The following TBC1D19 variants were observed in gnomAD, a reference collection of about 807,000 sequenced individuals.
TBC1D19 encodes TBC1 domain family member 19.
In TBC1D19, 60 loss-of-function variants were observed where a neutral mutation model predicts 89.0. The observed-to-expected ratio is 0.67, with a 90% CI of 0.55 to 0.84. TBC1D19 has a LOEUF of 0.84. TBC1D19 is among the 40% of genes least tolerant of loss of function. TBC1D19 has a pLI of 0.00. For synonymous variants in TBC1D19, 189 were observed against 199.7 expected (o/e 0.95, Z 0.45); for missense variants, 500 against 610.8 (o/e 0.82, Z 1.91).
At chr4:26,710,859 C>A (rs1287244496) in intron 13 of TBC1D19, among the ~76,000 whole-genome samples, 1 of 152,068 alleles carries the variant, frequency 6.6e-6, no homozygotes, top group African/African-American at 2.4e-5. Context: ...ATCCTTCGCC[C>A]ACGTTTTGAT....
At chr4:26,604,148 C>CTTTTTTTTT (rs1173641270) in intron 1 of TBC1D19, among the ~76,000 whole-genome samples, 6 of 120,724 alleles carry the variant, frequency 5.0e-5, no homozygotes, top group African/African-American at 7.3e-5. Context: ...TTTTCTTTTT[C>CTTTTTTTTT]TTTTTTTTTT....
chr4:26,637,366 G>A, intron 5 of TBC1D19, 81 bp downstream of exon 5: 1 of 1,131,388 alleles, frequency 8.8e-7, no homozygotes, highest in South Asian at 1.4e-5. Context: ...TAACTGTTAG[G>A]CACATTTATT....
intron 13 of TBC1D19, among the ~76,000 whole-genome samples, chr4:26,701,440 C>T (rs186758537): frequency 2.1e-4 from 32 of 152,158 alleles, no homozygotes; most frequent in East Asian, 1.5e-3. Flanking sequence ...TTGTCTCTCC[C>T]GGGTAAATTC....
chr4:26,737,067 C>T (rs923723800), intron 16 of TBC1D19, among the ~76,000 whole-genome samples: 1 of 152,112 alleles, frequency 6.6e-6, no homozygotes, highest in Non-Finnish European at 1.5e-5. Flanking sequence ...CAAGAATCTG[C>T]AATAAACACT....
chr4:26,693,632 C>A (rs1419029184), intron 13 of TBC1D19, among the ~76,000 whole-genome samples: 3 of 151,248 alleles, frequency 2.0e-5, no homozygotes, highest in Non-Finnish European at 1.5e-5. Flanking sequence ...GAGGTCAAGG[C>A]TGCAGTGAGC....
At chr4:26,698,755 A>T (rs922488329) in intron 13 of TBC1D19, among the ~76,000 whole-genome samples, 9 of 152,234 alleles carry the variant, frequency 5.9e-5, no homozygotes, top group Non-Finnish European at 1.0e-4. Context: ...AAAAAGAAGA[A>T]ATGGGGAAAG....
the TBC1D19 span, among the ~76,000 whole-genome samples, chr4:26,798,191 T>A: frequency 2.0e-5 from 3 of 151,910 alleles, no homozygotes; most frequent in East Asian, 5.8e-4. Context: ...CTCAAACAAC[T>A]CAACAAGAAA....
chr4:26,641,382 A>G (rs1010133862), intron 7 of TBC1D19, among the ~76,000 whole-genome samples: 1 of 152,242 alleles, frequency 6.6e-6, no homozygotes, highest in Non-Finnish European at 1.5e-5. Flanking sequence ...TAGCATCAAC[A>G]TCAACAAAAA....
intron 18 of TBC1D19, among the ~76,000 whole-genome samples, chr4:26,744,141 G>T (rs186033889): frequency 6.6e-6 from 1 of 151,250 alleles, no homozygotes; most frequent in Admixed American, 6.6e-5. Context: ...CTTTTACTAG[G>T]TTATCATATT....
chr4:26,750,883 C>T (rs188878938), intron 19 of TBC1D19, among the ~76,000 whole-genome samples: 1 of 152,228 alleles, frequency 6.6e-6, no homozygotes, highest in East Asian at 1.9e-4. Flanking sequence ...TTTTTCTGAT[C>T]AAGTGGGTTA....
intron 10 of TBC1D19, 87 bp from the exon 11 acceptor site, chr4:26,673,689 G>C: frequency 2.3e-6 from 2 of 853,388 alleles, no homozygotes; most frequent in Non-Finnish European, 3.9e-6. Context: ...CTGAATATCA[G>C]CTTCCCAAAA....
At chr4:26,733,460 GACAC>G (rs58852557) in intron 15 of TBC1D19, among the ~76,000 whole-genome samples, 38 of 149,126 alleles carry the variant, frequency 2.5e-4, no homozygotes, top group Non-Finnish European at 3.7e-4. Flanking sequence ...CATATGCAAA[GACAC>G]ACACACACAC....
At chr4:26,774,416 A>G in the TBC1D19 span, among the ~76,000 whole-genome samples, 1 of 152,346 alleles carries the variant, frequency 6.6e-6, no homozygotes, top group Admixed American at 6.5e-5. Context: ...TGAATCTTCC[A>G]ATCCATGAAC....
At chr4:26,650,080 T>C (rs1744256555) in intron 7 of TBC1D19, among the ~76,000 whole-genome samples, 2 of 152,282 alleles carry the variant, frequency 1.3e-5, no homozygotes, top group South Asian at 2.1e-4. Flanking sequence ...CCATGGTGTA[T>C]ATGTGCCACA....
the TBC1D19 span, among the ~76,000 whole-genome samples, chr4:26,765,438 T>C: frequency 1.6e-5 from 2 of 125,708 alleles, no homozygotes; most frequent in African/African-American, 6.2e-5. Flanking sequence ...GGCTGGGAAT[T>C]CCAAAGAGGT....
the TBC1D19 span, among the ~76,000 whole-genome samples, chr4:26,849,954 C>A: frequency 1.3e-5 from 2 of 152,114 alleles, no homozygotes; most frequent in Non-Finnish European, 2.9e-5. Context: ...GCGGTTAAAT[C>A]ATATTCTCTG....
chr4:26,674,633 T>C (rs1028089481), intron 11 of TBC1D19, among the ~76,000 whole-genome samples: 1 of 152,050 alleles, frequency 6.6e-6, no homozygotes, highest in African/African-American at 2.4e-5. Context: ...ACTAGAAATA[T>C]ATCATTGAGC....
At chr4:26,771,284 T>C in the TBC1D19 span, among the ~76,000 whole-genome samples, 17 of 152,004 alleles carry the variant, frequency 1.1e-4, no homozygotes, top group East Asian at 3.3e-3. Flanking sequence ...AGTATGGAGG[T>C]TCCTCAAAAA....
intron 1 of TBC1D19, among the ~76,000 whole-genome samples, chr4:26,606,718 C>G (rs1408102852): frequency 6.6e-6 from 1 of 152,150 alleles, no homozygotes; most frequent in East Asian, 1.9e-4. Flanking sequence ...GTAATCACTT[C>G]TAACCCTACA....
Sources: gnomAD v4.1 joint callset for allele counts (sites outside exome capture counted in the v4.1 genomes callset) on GRCh38, gnomAD v4.1.1 for gene constraint, MANE v1.5 for transcripts, NCBI Gene and HGNC (gene_info 2026-07-23, HGNC 2026-07-21) for gene names.